CBL: variants seen among roughly 807,000 people sequenced by gnomAD.
CBL encodes the protein E3 ubiquitin-protein ligase CBL.
A neutral mutation model predicts 96.9 loss-of-function variants in CBL; 45 were observed. The observed-to-expected ratio is 0.46, with a 90% CI of 0.37 to 0.60. The LOEUF (loss-of-function observed/expected upper bound fraction) is 0.60, where lower values mean the gene tolerates loss of function less well. CBL is among the 20% of genes least tolerant of loss of function. The probability of loss-of-function intolerance (pLI) is 0.00; values close to 1 mark genes in which losing one functional copy is unlikely to be tolerated. For synonymous variants in CBL, 420 were observed against 426.8 expected (o/e 0.98, Z 0.20); for missense variants, 1,024 against 1,143.5 (o/e 0.90, Z 1.51).
intron 2 of CBL, among the ~76,000 whole-genome samples, chr11:119,261,492 CTG>C (rs1365812653): frequency 2.0e-5 from 3 of 152,088 alleles, no homozygotes; most frequent in African/African-American, 7.2e-5. Flanking sequence ...TAATTTGTAT[CTG>C]TATATTTTAA....
rs1565851628 is a variant in CBL, at chr11:119,206,609, C to G, written c.192C>G (p.Asp64Glu). ...KMVEKCWKLM[D>E]KVVRLCQNPK... ...TGGAGAAGTGCTGGAAGCTCATGGA[C>G]AAGGTGAAAGGCCGGCTGAGCGCCC... is the stretch of plus-strand genomic sequence containing the variant. Residue 64 changes from aspartate (D) to glutamate (E), a missense_variant, in exon 1 of 16, where the codon GAC becomes GAG. By Grantham distance (45) the Asp-to-Glu change is conservative. Coordinates refer to ENST00000264033, the MANE Select transcript of CBL (RefSeq NM_005188.4). 1 of 1,547,462 alleles carries G rather than the reference C, an allele frequency of 6.5e-7. No individual in the cohort carries two copies. Among genetic ancestry groups the G allele is most frequent in the Non-Finnish European group, 8.7e-7 (1 of 1,145,890 alleles).
At chr11:119,223,028 A>G (rs1311021165) in intron 1 of CBL, among the ~76,000 whole-genome samples, 1 of 151,758 alleles carries the variant, frequency 6.6e-6, no homozygotes, top group Non-Finnish European at 1.5e-5. Flanking sequence ...ATAGTTTAAA[A>G]AATTATCCAG....
chr11:119,286,032 C>T (rs1949982520), intron 11 of CBL, among the ~76,000 whole-genome samples: 3 of 152,166 alleles, frequency 2.0e-5, no homozygotes, highest in African/African-American at 7.2e-5. Context: ...GGCGTGGTGG[C>T]TCACACCTGC....
At chr11:119,246,653 T>C (rs924448862) in intron 2 of CBL, among the ~76,000 whole-genome samples, 1 of 152,170 alleles carries the variant, frequency 6.6e-6, no homozygotes, top group African/African-American at 2.4e-5. Flanking sequence ...GGTTTCACCA[T>C]GTTGGCCAGG....
intron 15 of CBL, among the ~76,000 whole-genome samples, chr11:119,299,056 A>G (rs1176388184): frequency 1.3e-5 from 2 of 152,216 alleles, no homozygotes; most frequent in Non-Finnish European, 2.9e-5. Flanking sequence ...GGTGAAAAAG[A>G]ATACAGCCTT....
intron 12 of CBL, among the ~76,000 whole-genome samples, chr11:119,296,571 T>A (rs1282330029): frequency 2.6e-5 from 4 of 152,242 alleles, no homozygotes; most frequent in African/African-American, 9.6e-5. Context: ...TAGTTTACAG[T>A]TCTAACATTG....
chr11:119,268,294 G>A (rs1187688428), intron 2 of CBL, among the ~76,000 whole-genome samples: 1 of 152,092 alleles, frequency 6.6e-6, no homozygotes, highest in Non-Finnish European at 1.5e-5. Flanking sequence ...TATCACCAAG[G>A]AGTTTGCATT....
chr11:119,231,932 TA>T lies in CBL; in HGVS notation c.196-502del, dbSNP rs755171298. ...GGGTCTAGCCTGGGCAACATGTCTC[TA>T]AAAAAAAAAAAAACAACAATTAGCT... On this transcript the variant is annotated intron_variant, in intron 1 of 15. Transcript: ENST00000264033. Among the ~76,000 whole-genome samples, 1,059 of 132,862 alleles carry T rather than the reference TA, an allele frequency of 8.0e-3. 9 individuals carry two copies. Among genetic ancestry groups the T allele is most frequent in the African/African-American group, 0.023 (834 of 36,206 alleles). 87.2% of individuals were successfully genotyped at this position (132,862 alleles called of 152,430 possible). A position where few individuals can be genotyped will look rare whatever the true frequency, so the allele number is the denominator to read the frequency against.
At chr11:119,237,833 T>C (rs1949556812) in intron 2 of CBL, among the ~76,000 whole-genome samples, 1 of 152,184 alleles carries the variant, frequency 6.6e-6, no homozygotes, top group Non-Finnish European at 1.5e-5. Context: ...TCCTCAGCTT[T>C]GTTTTTCAAG....
chr11:119,214,584 TTAAC>T (rs1428947557), intron 1 of CBL, among the ~76,000 whole-genome samples: 2 of 152,358 alleles, frequency 1.3e-5, no homozygotes, highest in East Asian at 3.9e-4. Flanking sequence ...AAGATAGTGT[TTAAC>T]TAGTATTATT....
chr11:119,264,934 T>TG (rs1471362402), intron 2 of CBL, among the ~76,000 whole-genome samples: 2 of 152,262 alleles, frequency 1.3e-5, no homozygotes, highest in East Asian at 3.9e-4. Flanking sequence ...TGGAGTGCCG[T>TG]GGTACGATCT....
chr11:119,307,612 T>G lies in CBL; in HGVS notation c.*7831T>G. ...TATAGTGAGCTTTAGCAAAAGTTTT[T>G]CTATATAATGACATCTTACTTATCT... is the stretch of plus-strand genomic sequence containing the variant. On this transcript the variant is annotated 3_prime_UTR_variant, in exon 16 of 16. Transcript: ENST00000264033. 1 of 231,658 alleles carries G rather than the reference T, an allele frequency of 4.3e-6. No individual in the cohort carries two copies. The highest frequency in any genetic ancestry group is 8.6e-6 in the Non-Finnish European group (1 of 116,876). The allele number at this position is 231,658 out of a possible 1,614,324, so 14.4% of individuals were successfully genotyped here. A position where few individuals can be genotyped will look rare whatever the true frequency, so the allele number is the denominator to read the frequency against.
At chr11:119,213,402 A>G (rs1409553895) in intron 1 of CBL, among the ~76,000 whole-genome samples, 2 of 152,216 alleles carry the variant, frequency 1.3e-5, no homozygotes, top group Non-Finnish European at 2.9e-5. Flanking sequence ...TGATGTGACT[A>G]TAGGAGAAAT....
intron 9 of CBL, among the ~76,000 whole-genome samples, chr11:119,279,370 G>A (rs564471361): frequency 8.5e-5 from 13 of 152,076 alleles, no homozygotes; most frequent in Non-Finnish European, 1.5e-4. Context: ...AAAAAGCTGG[G>A]TATGGTGTTG....
chr11:119,260,172 A>G (rs528672334), intron 2 of CBL, among the ~76,000 whole-genome samples: 1 of 151,712 alleles, frequency 6.6e-6, no homozygotes, highest in African/African-American at 2.4e-5. Context: ...TTAGTACTGT[A>G]TAATGTAGTG....
intron 9 of CBL, among the ~76,000 whole-genome samples, chr11:119,283,625 C>CTTTCTTTTTTTTT (rs1949955222): frequency 4.4e-5 from 2 of 45,514 alleles, no homozygotes; most frequent in Admixed American, 3.6e-4. Context: ...TTAATTCTTT[C>CTTTCTTTTTTTTT]TTTTTTTTTT....
intron 2 of CBL, among the ~76,000 whole-genome samples, chr11:119,263,152 C>G (rs1949767156): frequency 6.6e-6 from 1 of 152,184 alleles, no homozygotes; most frequent in African/African-American, 2.4e-5. Context: ...ATTGTTGATG[C>G]AGTACCAATA....
chr11:119,234,043 G>C (rs1324090045), intron 2 of CBL, among the ~76,000 whole-genome samples: 2 of 152,086 alleles, frequency 1.3e-5, no homozygotes. Flanking sequence ...TCTTGCTGTT[G>C]TCACCCAGGC....
At chr11:119,244,595 T>G (rs1190873234) in intron 2 of CBL, among the ~76,000 whole-genome samples, 1 of 146,870 alleles carries the variant, frequency 6.8e-6, no homozygotes, top group Non-Finnish European at 1.5e-5. Context: ...TTTTTTTTTT[T>G]TTTTGAGACG....
Sources: allele counts gnomAD v4.1 joint callset (sites outside exome capture counted in the v4.1 genomes callset), GRCh38; gene constraint gnomAD v4.1.1; transcripts MANE v1.5; gene names NCBI Gene and HGNC (gene_info 2026-07-23, HGNC 2026-07-21).